Variants in SCUBE1 observed in about 807,000 individuals in gnomAD.
SCUBE1 encodes signal peptide, CUB domain and EGF like domain containing 1, also known as signal peptide, CUB and EGF-like domain-containing protein 1.
In SCUBE1, 59 loss-of-function variants were observed where a neutral mutation model predicts 124.4. The ratio of observed to expected loss-of-function variants is 0.47; its 90% CI spans 0.38 to 0.59. SCUBE1 has a LOEUF of 0.59. SCUBE1 is among the 20% of genes least tolerant of loss of function. The pLI, the probability that SCUBE1 is intolerant of heterozygous loss-of-function variation, is 0.00. For missense variants in SCUBE1, 1,150 were observed against 1,371.2 expected (o/e 0.84, Z 2.55); for synonymous variants, 545 against 550.9 (o/e 0.99, Z 0.15).
Position 43,199,251 on chromosome 22 carries a change from T to C in SCUBE1, c.*4746A>G. 5.7e-6 allele frequency: 1 copy of C among 174,068 alleles called. No homozygotes were observed. 10.8% of individuals were successfully genotyped at this position (174,068 alleles called of 1,614,324 possible). A position where few individuals can be genotyped will look rare whatever the true frequency, so the allele number is the denominator to read the frequency against. ...GGGGGTGGTGGAGGCACCGGAATAA[T>C]ATTCAACTCCAAAAATGTAAATTAA... On this transcript the variant is annotated 3_prime_UTR_variant, in exon 22 of 22. Transcript: ENST00000360835.
chr22:43,243,096 C>T (rs566607085), intron 6 of SCUBE1, among the ~76,000 whole-genome samples: 9 of 152,346 alleles, frequency 5.9e-5, no homozygotes, highest in African/African-American at 1.9e-4. Flanking sequence ...CCTGGGCCAC[C>T]GCACACGCCA....
chr22:43,204,473 C>T (rs533116304), intron 21 of SCUBE1, among the ~76,000 whole-genome samples: 1 of 151,926 alleles, frequency 6.6e-6, no homozygotes, highest in South Asian at 2.1e-4. Flanking sequence ...TAAGTTTTGT[C>T]TTTTCAGTAG....
rs367671783 is a variant in SCUBE1 at position 43,222,755 on chromosome 22, C to T, written c.1328-13G>A. The T allele has an allele frequency of 2.1e-5, 33 of 1,582,464 alleles. No homozygotes were observed. The highest frequency in any genetic ancestry group is 2.7e-5 in the African/African-American group (2 of 74,390). ...CTATTTTCCGAGTCTGCAGAGAAGC[C>T]GGTGGGTGAGGTGGGCCTGGTGCTC... is the stretch of plus-strand genomic sequence containing the variant. On this transcript the variant is annotated splice_polypyrimidine_tract_variant and intron_variant, in intron 11 of 21. Transcript: ENST00000360835.
intron 4 of SCUBE1, among the ~76,000 whole-genome samples, chr22:43,290,812 G>A (rs1021293572): frequency 1.3e-5 from 2 of 152,220 alleles, no homozygotes; most frequent in Non-Finnish European, 2.9e-5. Context: ...GCTACTTGCG[G>A]CCCCACATAT....
At chr22:43,214,047 G>GGGCCCCC in intron 16 of SCUBE1, 43 bp downstream of exon 16, 1 of 143,436 alleles carries the variant, frequency 7.0e-6, no homozygotes, top group Non-Finnish European at 1.3e-5. Flanking sequence ...AGGAGCCCCC[G>GGGCCCCC]CCCACCCCCC....
At chr22:43,214,058 A>ACC in intron 16 of SCUBE1, 32 bp downstream of exon 16, 1 of 214,038 alleles carries the variant, frequency 4.7e-6, no homozygotes, top group Non-Finnish European at 7.4e-6. Flanking sequence ...CCCACCCCCC[A>ACC]CCCCCACCTC....
chr22:43,216,152 C>T (rs1405243702), intron 15 of SCUBE1, among the ~76,000 whole-genome samples: 1 of 151,840 alleles, frequency 6.6e-6, no homozygotes, highest in Admixed American at 6.5e-5. Context: ...GTTCAAGTGA[C>T]TCTCCTGTCT....
intron 3 of SCUBE1, among the ~76,000 whole-genome samples, chr22:43,307,572 AAGG>A (rs1926016984): frequency 6.6e-6 from 1 of 152,134 alleles, no homozygotes; most frequent in African/African-American, 2.4e-5. Flanking sequence ...GGGATGCTGG[AAGG>A]AGAAGGGCTC....
intron 4 of SCUBE1, among the ~76,000 whole-genome samples, chr22:43,289,732 T>C (rs2146750207): frequency 6.6e-6 from 1 of 152,284 alleles, no homozygotes; most frequent in South Asian, 2.1e-4. Flanking sequence ...GTAACACCAC[T>C]TCCCCATTTT....
chr22:43,219,390 T>G (rs909913601), intron 14 of SCUBE1, among the ~76,000 whole-genome samples: 3 of 152,160 alleles, frequency 2.0e-5, no homozygotes, highest in Non-Finnish European at 4.4e-5. Context: ...TCGGACAGCC[T>G]GCAGAGCCGA....
At position 43,234,157 on chromosome 22, in the gene SCUBE1, G is replaced by T. The variant is rs555419493; in HGVS notation, c.845-2282C>A. On this transcript the variant is annotated intron_variant, in intron 7 of 21. Coordinates refer to ENST00000360835, the MANE Select transcript of SCUBE1 (RefSeq NM_173050.5). This position sits in a 1 kb window ranked among gnomAD's most constrained non-coding sequence, Gnocchi z 4.4. ...AATCTCTATCATTCCTTCCCCCCGA[G>T]CCCCGGGATTATAGGCAGATGGGGA... Among the ~76,000 whole-genome samples the T allele has an allele frequency of 1.3e-5, 2 of 152,054 alleles. No individual in the cohort carries two copies. The highest frequency in any genetic ancestry group is 4.8e-5 in the African/African-American group (2 of 41,416).
chr22:43,256,211 T>C (rs1430742554), intron 6 of SCUBE1, among the ~76,000 whole-genome samples: 1 of 152,224 alleles, frequency 6.6e-6, no homozygotes, highest in Non-Finnish European at 1.5e-5. Context: ...GCTGGTTGCC[T>C]GCTTGTCTAT....
At chr22:43,305,562 G>A (rs1050079634) in intron 3 of SCUBE1, among the ~76,000 whole-genome samples, 1 of 152,180 alleles carries the variant, frequency 6.6e-6, no homozygotes, top group Admixed American at 6.5e-5. Context: ...GGAGCCGGGG[G>A]ACAGGCTTAA....
chr22:43,280,494 C>CTT (rs375038998), intron 4 of SCUBE1, among the ~76,000 whole-genome samples: 1 of 37,044 alleles, frequency 2.7e-5, no homozygotes, highest in African/African-American at 2.4e-4. Context: ...CACCCATCCC[C>CTT]GTCCCTTCCC....
Position 43,220,568 on chromosome 22 carries a change from G to A in SCUBE1, c.1569C>T (p.Phe523=), listed in dbSNP as rs757285828. ...TGGAGGAGTCACACTTGAGGGTCAC[G>A]AAAGTCACATGGCAGTGGTCTGGAC... ...QPLLDHCHVT[F]VTLKCDSSKK... is the part of the protein sequence containing the mutation. The change falls in exon 14 of 22, where the codon TTC becomes TTT. Residue 523 remains phenylalanine (F), a synonymous_variant. Coordinates refer to ENST00000360835, the MANE Select transcript of SCUBE1 (RefSeq NM_173050.5). 2.6e-5 allele frequency: 42 copies of A among 1,613,974 alleles called. No individual in the cohort carries two copies. The highest frequency in any genetic ancestry group is 1.0e-4 in the Admixed American group (6 of 60,024).
At position 43,231,859 on chromosome 22, in the gene SCUBE1, C is replaced by A. The variant is rs1165693851; in HGVS notation, c.861G>T (p.Leu287=). 1.2e-6 allele frequency: 2 copies of A among 1,613,580 alleles called. No homozygotes were observed. Among genetic ancestry groups the A allele is most frequent in the East Asian group, 4.5e-5 (2 of 44,864 alleles). ...AGTGGTCGCAGCCTCCGTTGTTGAC[C>A]AGGCACTCGTTGATGTCTGTGGGAG... The part of the protein sequence containing the change: ...GKTCKDINEC[L]VNNGGCDHFC... Residue 287 remains leucine, a synonymous_variant, in exon 8 of 22, where the codon CTG becomes CTT. Transcript: ENST00000360835.
At chr22:43,248,817 C>T (rs1923321747) in intron 6 of SCUBE1, among the ~76,000 whole-genome samples, 1 of 152,206 alleles carries the variant, frequency 6.6e-6, no homozygotes, top group Admixed American at 6.5e-5. Context: ...GGCTGCAGGG[C>T]CTGCCCTCTC....
intron 2 of SCUBE1, among the ~76,000 whole-genome samples, chr22:43,321,486 C>A (rs1035149804): frequency 1.3e-5 from 2 of 152,148 alleles, no homozygotes; most frequent in African/African-American, 4.8e-5. Context: ...TAAGCACTGC[C>A]CTGATGCCTG....
At chr22:43,208,011 CTG>C (rs1921368093) in intron 20 of SCUBE1, 59 bp downstream of exon 20, 18 of 1,586,550 alleles carry the variant, frequency 1.1e-5, no homozygotes, top group Non-Finnish European at 1.5e-5. Flanking sequence ...CGACTCATCT[CTG>C]TGTCTCCAGG....
Sources: allele counts gnomAD v4.1 joint callset (sites outside exome capture counted in the v4.1 genomes callset), GRCh38; gene constraint gnomAD v4.1.1; non-coding constraint Gnocchi (gnomAD v3.1); transcripts MANE v1.5; gene names NCBI Gene and HGNC (gene_info 2026-07-23, HGNC 2026-07-21).